The following RALGAPA2 variants were observed in gnomAD, a reference collection of about 807,000 sequenced individuals.
The protein encoded by RALGAPA2 is Ral GTPase activating protein catalytic subunit alpha 2.
A neutral mutation model predicts 230.4 loss-of-function variants in RALGAPA2; 139 were observed. The observed-to-expected ratio is 0.60, with a 90% CI of 0.53 to 0.69. RALGAPA2 has a LOEUF of 0.69. Ranked by LOEUF, RALGAPA2 falls within the 30% of genes least tolerant of loss-of-function variation. The pLI, the probability that RALGAPA2 is intolerant of heterozygous loss-of-function variation, is 0.00. For synonymous variants in RALGAPA2, 847 were observed against 837.8 expected, an observed-to-expected ratio of 1.01 and a Z score of -0.19; for missense variants, 2,163 against 2,276.0, an observed-to-expected ratio of 0.95 and a Z score of 1.01.
chr20:20,647,317 AG>A (rs1362497067), intron 4 of RALGAPA2, among the ~76,000 whole-genome samples: 1 of 152,216 alleles, frequency 6.6e-6, no homozygotes, highest in East Asian at 1.9e-4. Context: ...GCATCAAACA[AG>A]AAGCAAGAAA....
At chr20:20,703,006 C>A (rs1047027765) in intron 1 of RALGAPA2, among the ~76,000 whole-genome samples, 10 of 152,106 alleles carry the variant, frequency 6.6e-5, no homozygotes, top group African/African-American at 2.4e-4. Flanking sequence ...AACCTTGTCT[C>A]TACTAAAAAC....
intron 18 of RALGAPA2, 32 bp downstream of exon 18, chr20:20,589,236 T>C (rs758629706): frequency 1.3e-6 from 2 of 1,527,226 alleles, no homozygotes; most frequent in Middle Eastern, 1.7e-4. Flanking sequence ...TTATTTTTAA[T>C]GACAAACTGA....
chr20:20,579,082 TG>T (rs2064906110), intron 20 of RALGAPA2, among the ~76,000 whole-genome samples: 1 of 152,180 alleles, frequency 6.6e-6, no homozygotes, highest in Non-Finnish European at 1.5e-5. Flanking sequence ...TAACAGGAGC[TG>T]TAATTCATAT....
chr20:20,528,346 T>A (rs114920619), intron 27 of RALGAPA2, among the ~76,000 whole-genome samples: 4,984 of 152,114 alleles, frequency 0.033, 101 homozygotes, highest in South Asian at 0.06. Context: ...CTGACGGTGG[T>A]ATGAACAGTA....
At chr20:20,683,620 T>G (rs1233594156) in intron 1 of RALGAPA2, among the ~76,000 whole-genome samples, 1 of 152,200 alleles carries the variant, frequency 6.6e-6, no homozygotes, top group Non-Finnish European at 1.5e-5. Flanking sequence ...AAGTAGCAAA[T>G]GTAGACACTA....
At chr20:20,622,462 A>G (rs1221453121) in intron 10 of RALGAPA2, among the ~76,000 whole-genome samples, 2 of 152,346 alleles carry the variant, frequency 1.3e-5, no homozygotes, top group East Asian at 1.9e-4. Context: ...AAGCAGCCAG[A>G]AGAAAAAAGA....
At chr20:20,463,534 ATTT>A (rs374615927) in intron 37 of RALGAPA2, among the ~76,000 whole-genome samples, 27 of 152,276 alleles carry the variant, frequency 1.8e-4, no homozygotes, top group Admixed American at 1.0e-3. Context: ...TTAAATTATG[ATTT>A]TTATTAGGAT....
chr20:20,631,833 T>G (rs1346850662), intron 9 of RALGAPA2, among the ~76,000 whole-genome samples: 1 of 152,176 alleles, frequency 6.6e-6, no homozygotes, highest in African/African-American at 2.4e-5. Context: ...CTGCAGGGTA[T>G]GATGGCACAG....
chr20:20,505,860 G>C (rs975291000), intron 33 of RALGAPA2, among the ~76,000 whole-genome samples: 1 of 152,164 alleles, frequency 6.6e-6, no homozygotes, highest in Non-Finnish European at 1.5e-5. Context: ...TCAGACATAA[G>C]ATACACCGAC....
intron 33 of RALGAPA2, among the ~76,000 whole-genome samples, chr20:20,507,206 G>A (rs2062560387): frequency 6.6e-6 from 1 of 151,986 alleles, no homozygotes; most frequent in East Asian, 1.9e-4. Context: ...CTACAACAGA[G>A]GTTTAATGAT....
At chr20:20,444,533 C>G (rs2060816515) in intron 37 of RALGAPA2, among the ~76,000 whole-genome samples, 1 of 152,134 alleles carries the variant, frequency 6.6e-6, no homozygotes, top group Admixed American at 6.5e-5. Flanking sequence ...CTCATGTTAT[C>G]AGCACCCCAA....
At chr20:20,418,071 T>C (rs1260261629) in intron 37 of RALGAPA2, among the ~76,000 whole-genome samples, 2 of 152,112 alleles carry the variant, frequency 1.3e-5, no homozygotes, top group African/African-American at 4.8e-5. Context: ...TTTACCACAA[T>C]ACTGTAAAGA....
At chr20:20,663,558 A>G (rs2067857488) in intron 3 of RALGAPA2, among the ~76,000 whole-genome samples, 1 of 152,174 alleles carries the variant, frequency 6.6e-6, no homozygotes, top group South Asian at 2.1e-4. Flanking sequence ...TCTGATTGCC[A>G]GCATCACTAC....
Position 20,611,324 on chromosome 20 carries a change from T to C in RALGAPA2, c.1791A>G (p.Leu597=), listed in dbSNP as rs199580194. 4 of 1,610,550 alleles carry C rather than the reference T, an allele frequency of 2.5e-6. No homozygotes were observed. Among genetic ancestry groups the C allele is most frequent in the Non-Finnish European group, 3.4e-6 (4 of 1,177,836 alleles). ...CATAAAAAAGACTTACCCTAAATAG[T>C]AACCCTGCCAAGCTCTGGGCAAACA... is the stretch of plus-strand genomic sequence containing the variant. ...KDLFAQSLAG[L]LFRTLMVAWI... The change falls in exon 14 of 40, where the codon TTA becomes TTG. Residue 597 remains leucine (L), a synonymous_variant. Transcript: ENST00000202677.
In RALGAPA2 at chr20:20,412,743, A is replaced by T. The variant is rs554239577; in HGVS notation, c.5496-595T>A. 2.7e-4 allele frequency among the ~76,000 whole-genome samples: 40 copies of T among 147,568 alleles called. No individual in the cohort carries two copies. In the East Asian group the frequency reaches 2.9e-3, roughly 11 times the overall value. ...CTACCAAGAGTGCACAGTGCAATTT[A>T]AAAAAAAAAGACTACTGCCTTTTAA... On this transcript the variant is annotated intron_variant, in intron 37 of 39. Transcript: ENST00000202677.
rs772089136 is a variant in RALGAPA2 at position 20,465,197 on chromosome 20, A to ACACACACACACT, written c.5495+7631_5495+7632insAGTGTGTGTGTG. 1.1e-3 allele frequency among the ~76,000 whole-genome samples: 166 copies of ACACACACACACT among 147,404 alleles called. 1 individual carries two copies. Among genetic ancestry groups the ACACACACACACT allele is most frequent in the African/African-American group, 1.6e-3 (65 of 39,578 alleles). Reference sequence around the variant, plus strand: ...CACACACACACACACACACACACACACTCTCTCATACTAGGGGACAGCAGC... The same window carrying ACACACACACACT: ...CACACACACACACACACACACACACACACACACACACTCTCTCTCATACTAGGGGACAGCAGC... On this transcript the variant is annotated intron_variant, in intron 37 of 39. Coordinates refer to ENST00000202677, the MANE Select transcript of RALGAPA2 (RefSeq NM_020343.4).
rs2059584295 is a variant in RALGAPA2, at chr20:20,390,359, G to A, written c.*2930C>T. On this transcript the variant is annotated 3_prime_UTR_variant, in exon 40 of 40. Coordinates refer to ENST00000202677, the MANE Select transcript of RALGAPA2 (RefSeq NM_020343.4). Reference sequence around the variant, plus strand: ...ACCCAGGCTAAATTTCTTCACTTCTGTCTGCTGAAGGCTTATTTTTAAAAA... The same window carrying A: ...ACCCAGGCTAAATTTCTTCACTTCTATCTGCTGAAGGCTTATTTTTAAAAA... 6.6e-6 allele frequency: 1 copy of A among 152,224 alleles called. No individual in the cohort carries two copies. Among genetic ancestry groups the A allele is most frequent in the African/African-American group, 2.4e-5 (1 of 41,452 alleles). 9.4% of individuals were successfully genotyped at this position (152,224 alleles called of 1,614,324 possible).
At chr20:20,412,277 T>C in intron 37 of RALGAPA2, 129 bp from the exon 38 acceptor site, 2 of 1,259,748 alleles carry the variant, frequency 1.6e-6, no homozygotes, top group South Asian at 2.9e-5. Flanking sequence ...CTTTACCATC[T>C]TGCAGAAAAT....
chr20:20,528,815 G>A (rs1219815177), intron 27 of RALGAPA2, among the ~76,000 whole-genome samples: 1 of 152,170 alleles, frequency 6.6e-6, no homozygotes, highest in Non-Finnish European at 1.5e-5. Flanking sequence ...CGTAAAGCAG[G>A]AAGCCCTGCC....
Sources: allele counts gnomAD v4.1 joint callset (sites outside exome capture counted in the v4.1 genomes callset), GRCh38; gene constraint gnomAD v4.1.1; transcripts MANE v1.5; gene names NCBI Gene and HGNC (gene_info 2026-07-23, HGNC 2026-07-21).